NRXN3: variants seen among roughly 807,000 people sequenced by gnomAD.
NRXN3 encodes neurexin III.
A neutral mutation model predicts 137.6 loss-of-function variants in NRXN3; 32 were observed. The ratio of observed to expected loss-of-function variants is 0.23; its 90% confidence interval spans 0.18 to 0.31. NRXN3 has a LOEUF of 0.31. Among genes scored for constraint, NRXN3 ranks in the 10% least tolerant of loss-of-function variants. The pLI is 1.00. For missense variants in NRXN3, 1,574 were observed against 2,062.5 expected, an observed-to-expected ratio of 0.76 and a Z score of 4.59; for synonymous variants, 798 against 784.5, an observed-to-expected ratio of 1.02 and a Z score of -0.29.
chr14:79,427,668 C>A (rs1470839034), intron 15 of NRXN3, among the ~76,000 whole-genome samples: 2 of 151,978 alleles, frequency 1.3e-5, no homozygotes, highest in African/African-American at 2.4e-5. Flanking sequence ...CCCATCTCTA[C>A]TAAAAATACA....
At chr14:78,436,562 G>A (rs1223664659) in intron 4 of NRXN3, among the ~76,000 whole-genome samples, 1 of 152,208 alleles carries the variant, frequency 6.6e-6, no homozygotes, top group Non-Finnish European at 1.5e-5. Flanking sequence ...TGATGGAAAT[G>A]TTTTGAATCC....
intron 8 of NRXN3, among the ~76,000 whole-genome samples, chr14:78,782,126 T>G (rs1028264986): frequency 1.3e-5 from 2 of 152,220 alleles, no homozygotes; most frequent in Non-Finnish European, 2.9e-5. Flanking sequence ...GTATTAGCCT[T>G]GCAGGCCTCA....
chr14:79,855,322 T>G (rs2099400218), intron 20 of NRXN3, among the ~76,000 whole-genome samples: 1 of 152,186 alleles, frequency 6.6e-6, no homozygotes. Context: ...TTACAGATAT[T>G]TGTGTTATTT....
At chr14:78,264,174 A>G (rs1039245760) in intron 2 of NRXN3, among the ~76,000 whole-genome samples, 3 of 152,170 alleles carry the variant, frequency 2.0e-5, no homozygotes, top group African/African-American at 4.8e-5. Context: ...TTGGGTCACT[A>G]TAGAATCTAC....
At chr14:79,158,687 T>C (rs2060479391) in intron 15 of NRXN3, among the ~76,000 whole-genome samples, 1 of 151,752 alleles carries the variant, frequency 6.6e-6, no homozygotes. Flanking sequence ...AAGATAAAAA[T>C]AGAAAAAATT....
intron 19 of NRXN3, among the ~76,000 whole-genome samples, chr14:79,751,122 C>G (rs1444770577): frequency 6.6e-6 from 1 of 152,038 alleles, no homozygotes; most frequent in Non-Finnish European, 1.5e-5. Flanking sequence ...TCATTGGTAG[C>G]TTGATGGGGA....
chr14:78,213,752 T>A (rs2062978189), intron 1 of NRXN3, among the ~76,000 whole-genome samples: 1 of 152,116 alleles, frequency 6.6e-6, no homozygotes, highest in Admixed American at 6.5e-5. Context: ...TGCACTTCCA[T>A]GGCTACCCTC....
intron 3 of NRXN3, among the ~76,000 whole-genome samples, chr14:78,280,690 T>C (rs1596715896): frequency 6.6e-6 from 1 of 152,254 alleles, no homozygotes; most frequent in African/African-American, 2.4e-5. Flanking sequence ...AAAAGGGGCA[T>C]CTTTTTCTAG....
intron 4 of NRXN3, among the ~76,000 whole-genome samples, chr14:78,445,337 T>C (rs1043804460): frequency 6.6e-6 from 1 of 152,186 alleles, no homozygotes; most frequent in African/African-American, 2.4e-5. Context: ...GGTTGTAAAA[T>C]AAAAAGGTCC....
At chr14:78,943,837 T>C (rs2099360038) in intron 10 of NRXN3, among the ~76,000 whole-genome samples, 1 of 151,360 alleles carries the variant, frequency 6.6e-6, no homozygotes, top group South Asian at 2.1e-4. Context: ...TCTGAGTGTG[T>C]AGATGCAGAC....
In NRXN3 at chr14:78,532,693, G is replaced by A. The variant is rs535447940; in HGVS notation, c.758-112427G>A. On this transcript the variant is annotated intron_variant, in intron 4 of 20. Transcript: ENST00000335750. Reference sequence around the variant, plus strand: ...ACCTAGCAAATATCCTTTCTTTGACGCCACATCTCTTTAGCTCCCATCTTT... The same window carrying A: ...ACCTAGCAAATATCCTTTCTTTGACACCACATCTCTTTAGCTCCCATCTTT... Among the ~76,000 whole-genome samples, 15 of 151,242 alleles carry A rather than the reference G, an allele frequency of 9.9e-5. 1 individual carries two copies. Among genetic ancestry groups the A allele is most frequent in the Admixed American group, 5.9e-4 (9 of 15,212 alleles).
At chr14:79,175,662 C>T (rs1416902185) in intron 15 of NRXN3, among the ~76,000 whole-genome samples, 1 of 152,218 alleles carries the variant, frequency 6.6e-6, no homozygotes. Context: ...ATTACACGTT[C>T]ACTGTTTTCA....
intron 8 of NRXN3, among the ~76,000 whole-genome samples, chr14:78,722,855 A>G (rs1407368116): frequency 6.6e-6 from 1 of 152,154 alleles, no homozygotes; most frequent in African/African-American, 2.4e-5. Flanking sequence ...GGGGAGAAAT[A>G]TCATGGAAGG....
intron 16 of NRXN3, among the ~76,000 whole-genome samples, chr14:79,517,092 G>GCC (rs35613259): frequency 0.027 from 3,348 of 124,408 alleles, 184 homozygotes; most frequent in East Asian, 0.19. Context: ...CAAATGTACA[G>GCC]CCCCCCCCCC....
At chr14:78,851,623 C>T (rs529844206) in intron 10 of NRXN3, among the ~76,000 whole-genome samples, 34 of 152,294 alleles carry the variant, frequency 2.2e-4, no homozygotes, top group African/African-American at 7.9e-4. Context: ...GAGAGTTAGT[C>T]GTCTCCCAGA....
At chr14:78,592,270 T>G (rs1314836907) in intron 4 of NRXN3, among the ~76,000 whole-genome samples, 1 of 152,152 alleles carries the variant, frequency 6.6e-6, no homozygotes, top group African/African-American at 2.4e-5. Context: ...AAGGGCCCAG[T>G]TCATCTTGTA....
chr14:79,651,991 C>A, intron 16 of NRXN3, among the ~76,000 whole-genome samples: 1 of 152,140 alleles, frequency 6.6e-6, no homozygotes, highest in South Asian at 2.1e-4. Context: ...AAAGTGAAGA[C>A]TCAGGATTCC....
chr14:79,580,878 A>G (rs1424843), intron 16 of NRXN3, among the ~76,000 whole-genome samples: 2,916 of 152,276 alleles, frequency 0.019, 53 homozygotes, highest in Non-Finnish European at 0.029. Context: ...TGTGCACGGT[A>G]TAAGAAAAAA....
intron 19 of NRXN3, among the ~76,000 whole-genome samples, chr14:79,705,518 T>G (rs2098774234): frequency 6.6e-6 from 1 of 152,160 alleles, no homozygotes; most frequent in Non-Finnish European, 1.5e-5. Context: ...TAATATTGAT[T>G]TTAAAATATT....
Sources: allele counts gnomAD v4.1 joint callset (sites outside exome capture counted in the v4.1 genomes callset), GRCh38; gene constraint gnomAD v4.1.1; transcripts MANE v1.5; gene names NCBI Gene and HGNC (gene_info 2026-07-23, HGNC 2026-07-21).